GRIK4: variants seen among roughly 807,000 people sequenced by gnomAD.
GRIK4 encodes the protein glutamate ionotropic receptor kainate type subunit 4, also known as glutamate receptor ionotropic, kainate 4.
Under a neutral mutation model 104.9 loss-of-function variants are expected in GRIK4, and 40 were observed. The observed-to-expected ratio is 0.38, with a 90% CI of 0.30 to 0.50. The LOEUF (loss-of-function observed/expected upper bound fraction) is 0.50. Ranked by LOEUF, GRIK4 falls within the 20% of genes least tolerant of loss-of-function variation. The pLI is 0.93. For missense variants in GRIK4, 1,047 were observed against 1,308.1 expected, an observed-to-expected ratio of 0.80 and a Z score of 3.08; for synonymous variants, 485 against 524.9, an observed-to-expected ratio of 0.92 and a Z score of 1.04.
chr11:120,686,262 G>A lies in GRIK4; in HGVS notation c.82+25862G>A, dbSNP rs1293074903. ...TTACTCATACCCTGCCCTCTGCTTA[G>A]AATATCCATTTTTCTGTCTTTCAAG... On this transcript the variant is annotated intron_variant, in intron 3 of 20. Transcript: ENST00000527524. Among the ~76,000 whole-genome samples the A allele has an allele frequency of 5.3e-5, 8 of 152,092 alleles. No individual in the cohort carries two copies. The East Asian group carries it at 1.3e-3, about 26-fold the overall frequency.
intron 3 of GRIK4, among the ~76,000 whole-genome samples, chr11:120,767,145 G>C (rs1325573107): frequency 6.6e-6 from 1 of 152,096 alleles, no homozygotes; most frequent in Non-Finnish European, 1.5e-5. Flanking sequence ...CATAAGGGCT[G>C]TTACCAATTC....
intron 3 of GRIK4, among the ~76,000 whole-genome samples, chr11:120,688,160 G>A (rs1377469530): frequency 2.6e-5 from 4 of 152,132 alleles, no homozygotes; most frequent in Non-Finnish European, 5.9e-5. Flanking sequence ...CAGAATATCA[G>A]CTCACCTCTT....
At position 120,889,935 on chromosome 11, in the gene GRIK4, T is replaced by C. The variant is rs142245345; in HGVS notation, c.1165-8597T>C. 2.7e-3 allele frequency among the ~76,000 whole-genome samples: 417 copies of C among 152,242 alleles called. 3 individuals are homozygous for C. The highest frequency in any genetic ancestry group is 9.3e-3 in the African/African-American group (387 of 41,542). Reference sequence around the variant, plus strand: ...TGCATTTGAATAGGCCTTGAAACTTTTGTCACATCTGTAATTGCCTCAGAT... The same window carrying C: ...TGCATTTGAATAGGCCTTGAAACTTCTGTCACATCTGTAATTGCCTCAGAT... On this transcript the variant is annotated intron_variant, in intron 11 of 20. Transcript: ENST00000527524.
chr11:120,512,148 G>A (rs1010617262), intron 1 of GRIK4, among the ~76,000 whole-genome samples: 1 of 150,566 alleles, frequency 6.6e-6, no homozygotes, highest in African/African-American at 2.4e-5. Context: ...CCACCGCTCT[G>A]CTCCCGTAGT....
At chr11:120,634,593 A>T (rs1949373280) in intron 1 of GRIK4, among the ~76,000 whole-genome samples, 1 of 151,566 alleles carries the variant, frequency 6.6e-6, no homozygotes, top group Non-Finnish European at 1.5e-5. Context: ...CTTCAGAGAG[A>T]CTCTGTTCCT....
chr11:120,814,699 G>A (rs1315518558), intron 4 of GRIK4, among the ~76,000 whole-genome samples: 1 of 152,178 alleles, frequency 6.6e-6, no homozygotes, highest in East Asian at 1.9e-4. Context: ...GGAGGGAAAG[G>A]CCAGATGCCA....
chr11:120,788,229 C>G (rs142142204), intron 3 of GRIK4, among the ~76,000 whole-genome samples: 1 of 152,126 alleles, frequency 6.6e-6, no homozygotes, highest in East Asian at 1.9e-4. Flanking sequence ...GCCACAAAAA[C>G]AAAGGGACCT....
intron 6 of GRIK4, among the ~76,000 whole-genome samples, chr11:120,829,413 C>T (rs1379183110): frequency 6.6e-6 from 1 of 152,086 alleles, no homozygotes; most frequent in Admixed American, 6.5e-5. Context: ...CCAAACAAAA[C>T]GGGGATGTGA....
intron 1 of GRIK4, among the ~76,000 whole-genome samples, chr11:120,629,439 C>T (rs947220461): frequency 2.6e-5 from 4 of 152,144 alleles, no homozygotes; most frequent in African/African-American, 7.2e-5. Flanking sequence ...TAGCTACTGT[C>T]GTTCCTGCCA....
chr11:120,704,605 G>T (rs1950600516), intron 3 of GRIK4, among the ~76,000 whole-genome samples: 1 of 152,202 alleles, frequency 6.6e-6, no homozygotes, highest in South Asian at 2.1e-4. Context: ...GCTCTGTGAG[G>T]ATAGACATTT....
chr11:120,927,565 CAAAAAAAAAAA>C (rs56223442), intron 13 of GRIK4, among the ~76,000 whole-genome samples: 3 of 101,596 alleles, frequency 3.0e-5, no homozygotes, highest in Admixed American at 2.4e-4. Context: ...GACTCTGTCT[CAAAAAAAAAAA>C]AAAAAAAAAA....
chr11:120,610,437 A>G (rs1311146580), intron 1 of GRIK4, among the ~76,000 whole-genome samples: 3 of 152,188 alleles, frequency 2.0e-5, no homozygotes, highest in Non-Finnish European at 2.9e-5. Context: ...AAGCCTCGGA[A>G]CACGTGGCAT....
chr11:120,527,257 A>T (rs1028017388), intron 1 of GRIK4, among the ~76,000 whole-genome samples: 2 of 152,130 alleles, frequency 1.3e-5, no homozygotes, highest in Non-Finnish European at 2.9e-5. Flanking sequence ...CTCAGCTTTC[A>T]TGGAATGTGG....
chr11:120,776,050 TAA>T (rs1458439161), intron 3 of GRIK4, among the ~76,000 whole-genome samples: 1 of 152,208 alleles, frequency 6.6e-6, no homozygotes, highest in Non-Finnish European at 1.5e-5. Flanking sequence ...ACGACCTTCT[TAA>T]AAGTGTTAAT....
chr11:120,518,108 C>T (rs1014648296), intron 1 of GRIK4, among the ~76,000 whole-genome samples: 2 of 152,160 alleles, frequency 1.3e-5, no homozygotes, highest in African/African-American at 4.8e-5. Context: ...GAGTGAAGGG[C>T]ATTTCCTGTG....
intron 8 of GRIK4, among the ~76,000 whole-genome samples, chr11:120,837,773 C>G (rs566672297): frequency 6.6e-6 from 1 of 151,692 alleles, no homozygotes; most frequent in Non-Finnish European, 1.5e-5. Flanking sequence ...CAGAGCAAAG[C>G]AAAAGCATTT....
chr11:120,622,334 A>C (rs1949200098), intron 1 of GRIK4, among the ~76,000 whole-genome samples: 1 of 152,222 alleles, frequency 6.6e-6, no homozygotes, highest in Non-Finnish European at 1.5e-5. Flanking sequence ...CAGGAGGCTT[A>C]GAGAGGGTAA....
rs77733684 is a variant in GRIK4 at position 120,917,412 on chromosome 11, G to A, written c.1476+11919G>A. Among the ~76,000 whole-genome samples, 675 of 152,298 alleles carry A rather than the reference G, an allele frequency of 4.4e-3. 10 individuals carry two copies. The highest frequency in any genetic ancestry group is 0.029 in the Admixed American group (441 of 15,290). ...GGGTGTGGGGTAAAGGAACAGATCA[G>A]GTTTGGTTCTGTCTCTGAAAGCTTA... On this transcript the variant is annotated intron_variant, in intron 13 of 20. Coordinates refer to ENST00000527524, the MANE Select transcript of GRIK4 (RefSeq NM_014619.5).
chr11:120,622,892 CT>C (rs1299469874), intron 1 of GRIK4, among the ~76,000 whole-genome samples: 3 of 152,238 alleles, frequency 2.0e-5, no homozygotes, highest in East Asian at 1.9e-4. Flanking sequence ...TAGGGCCCCC[CT>C]GATAACCCAG....
Sources: allele counts gnomAD v4.1 joint callset (sites outside exome capture counted in the v4.1 genomes callset), GRCh38; gene constraint gnomAD v4.1.1; transcripts MANE v1.5; gene names NCBI Gene and HGNC (gene_info 2026-07-23, HGNC 2026-07-21).